FRMPD4: variants seen among roughly 807,000 people sequenced by gnomAD.
FRMPD4 encodes the protein FERM and PDZ domain-containing protein 4.
Under a neutral mutation model 94.1 loss-of-function variants are expected in FRMPD4, and 22 were observed. The observed-to-expected ratio is 0.23, with a 90% CI of 0.17 to 0.33. FRMPD4 has a LOEUF of 0.33. Among genes scored for constraint, FRMPD4 ranks in the 10% least tolerant of loss-of-function variants. The probability of loss-of-function intolerance (pLI) is 1.00; values close to 1 mark genes in which losing one functional copy is unlikely to be tolerated. For synonymous variants in FRMPD4, 631 were observed against 548.6 expected (o/e 1.15, Z -2.10); for missense variants, 1,111 against 1,339.9 (o/e 0.83, Z 2.67).
At chrX:12,084,192 T>C (rs1306990892) in intron 3 of FRMPD4, among the ~76,000 whole-genome samples, 3 of 86,063 alleles carry the variant, frequency 3.5e-5, no homozygotes, top group African/African-American at 1.2e-4. Context: ...GGGGGGGTAA[T>C]TGAATCATGG....
At chrX:12,188,332 C>G (rs1158880622) in intron 1 of FRMPD4, among the ~76,000 whole-genome samples, 1 of 111,431 alleles carries the variant, frequency 9.0e-6, no homozygotes, top group Non-Finnish European at 1.9e-5. Context: ...ACTTTTTCAT[C>G]TGTAAAATGA....
intron 3 of FRMPD4, among the ~76,000 whole-genome samples, chrX:11,996,009 T>C (rs1378174375): frequency 9.0e-6 from 1 of 111,662 alleles, no homozygotes; most frequent in Admixed American, 9.5e-5. Context: ...AATATTACTT[T>C]AAAAATAAGT....
At chrX:12,233,467 T>C (rs940050192) in intron 1 of FRMPD4, among the ~76,000 whole-genome samples, 2 of 111,711 alleles carry the variant, frequency 1.8e-5, no homozygotes, top group Non-Finnish European at 3.8e-5. Flanking sequence ...ATCAATATCT[T>C]TCTGGAACTC....
chrX:12,479,547 G>A (rs1268747935), intron 1 of FRMPD4, among the ~76,000 whole-genome samples: 1 of 104,629 alleles, frequency 9.6e-6, no homozygotes, highest in East Asian at 2.9e-4. Flanking sequence ...TGTTACTCAG[G>A]CTGGAGTGCA....
intron 3 of FRMPD4, among the ~76,000 whole-genome samples, chrX:11,979,149 C>T (rs2147386963): frequency 9.0e-6 from 1 of 111,405 alleles, no homozygotes; most frequent in East Asian, 2.8e-4. Flanking sequence ...CCTGTCCACC[C>T]AGCAGTGGCC....
intron 1 of FRMPD4, among the ~76,000 whole-genome samples, chrX:11,835,570 G>A (rs1322079318): frequency 8.9e-6 from 1 of 112,116 alleles, no homozygotes; most frequent in Non-Finnish European, 1.9e-5. Flanking sequence ...AGGGTCAAGT[G>A]GCCTGAGTAA....
intron 1 of FRMPD4, among the ~76,000 whole-genome samples, chrX:12,354,580 C>T (rs1320755439): frequency 1.8e-5 from 2 of 112,428 alleles, no homozygotes; most frequent in Admixed American, 1.9e-4. Flanking sequence ...TTTCCAGCAT[C>T]GGATAATATA....
At chrX:12,392,472 GA>G (rs1471255280) in intron 1 of FRMPD4, among the ~76,000 whole-genome samples, 1 of 104,495 alleles carries the variant, frequency 9.6e-6, no homozygotes, top group Non-Finnish European at 2.0e-5. Context: ...CCAACATGGT[GA>G]AACCCCGTCT....
chrX:12,163,660 A>G (rs1009171287), intron 1 of FRMPD4, among the ~76,000 whole-genome samples: 3 of 112,051 alleles, frequency 2.7e-5, no homozygotes, highest in African/African-American at 6.5e-5. Flanking sequence ...GCACTATCCA[A>G]TGAATGACTT....
intron 9 of FRMPD4, among the ~76,000 whole-genome samples, chrX:12,695,208 A>G (rs941540932): frequency 2.7e-5 from 3 of 111,515 alleles, no homozygotes; most frequent in African/African-American, 9.8e-5. Flanking sequence ...CATTTTGGGA[A>G]GAACAACGCG....
At chrX:11,839,023 A>G (rs747847502) in intron 1 of FRMPD4, among the ~76,000 whole-genome samples, 1 of 111,961 alleles carries the variant, frequency 8.9e-6, no homozygotes, top group East Asian at 2.8e-4. Flanking sequence ...TGGCTTGTAT[A>G]TTCAGTTTAA....
chrX:12,420,741 C>T (rs1302695936), intron 1 of FRMPD4, among the ~76,000 whole-genome samples: 1 of 112,258 alleles, frequency 8.9e-6, no homozygotes, highest in East Asian at 2.8e-4. Context: ...CCTATGTGTG[C>T]TCTGTGATGG....
intron 3 of FRMPD4, among the ~76,000 whole-genome samples, chrX:11,924,595 G>A (rs1293501856): frequency 8.9e-6 from 1 of 112,091 alleles, no homozygotes; most frequent in South Asian, 3.7e-4. Flanking sequence ...GAGATTGTGG[G>A]CAAATGTTCA....
intron 3 of FRMPD4, among the ~76,000 whole-genome samples, chrX:12,084,228 C>T (rs1203046117): frequency 9.3e-6 from 1 of 107,126 alleles, no homozygotes; most frequent in Non-Finnish European, 1.9e-5. Flanking sequence ...GTGCTATTCT[C>T]ATGATAATGA....
chrX:12,439,278 C>T (rs987428751), intron 1 of FRMPD4, among the ~76,000 whole-genome samples: 2 of 111,373 alleles, frequency 1.8e-5, no homozygotes, highest in South Asian at 7.7e-4. Context: ...ACTCTGGCTA[C>T]GGCTATTGCT....
chrX:12,469,189 G>A (rs910391525), intron 1 of FRMPD4, among the ~76,000 whole-genome samples: 5 of 111,559 alleles, frequency 4.5e-5, no homozygotes, highest in South Asian at 3.8e-4. Flanking sequence ...AGAACTTAAC[G>A]GTTTGGACAT....
At chrX:12,175,947 T>C (rs887438286) in intron 1 of FRMPD4, among the ~76,000 whole-genome samples, 5 of 112,503 alleles carry the variant, frequency 4.4e-5, no homozygotes, top group Non-Finnish European at 7.5e-5. Context: ...AGAATACAGA[T>C]GCCTTTGTCC....
chrX:12,478,419 AAAAAT>A (rs1290151245), intron 1 of FRMPD4, among the ~76,000 whole-genome samples: 2 of 111,715 alleles, frequency 1.8e-5, no homozygotes, highest in Non-Finnish European at 3.8e-5. Flanking sequence ...TGTAAAAAAT[AAAAAT>A]AAATTAGCTA....
At chrX:11,902,512 C>T (rs1344315628) in intron 3 of FRMPD4, among the ~76,000 whole-genome samples, 1 of 111,771 alleles carries the variant, frequency 8.9e-6, no homozygotes, top group African/African-American at 3.3e-5. Context: ...CTAATTCCAT[C>T]GTGGGGACTC....
Sources: allele counts gnomAD v4.1 joint callset (sites outside exome capture counted in the v4.1 genomes callset), GRCh38; gene constraint gnomAD v4.1.1; transcripts MANE v1.5; gene names NCBI Gene and HGNC (gene_info 2026-07-23, HGNC 2026-07-21).